The following HMMR variants were observed in gnomAD, a reference collection of about 807,000 sequenced individuals.
HMMR encodes intracellular hyaluronic acid-binding protein.
In HMMR, 108 loss-of-function variants were observed where a neutral mutation model predicts 101.0. The observed-to-expected ratio is 1.07, with a 90% CI of 0.92 to 1.25. HMMR has a LOEUF of 1.25. Among genes scored for constraint, HMMR ranks in the 50% most tolerant of loss-of-function variants. The pLI, the probability that HMMR is intolerant of heterozygous loss-of-function variation, is 0.00. For missense variants in HMMR, 813 were observed against 788.7 expected, an observed-to-expected ratio of 1.03 and a Z score of -0.37; for synonymous variants, 296 against 276.4, an observed-to-expected ratio of 1.07 and a Z score of -0.70.
intron 16 of HMMR, among the ~76,000 whole-genome samples, chr5:163,485,310 G>T (rs1474677256): frequency 2.0e-5 from 3 of 152,082 alleles, no homozygotes; most frequent in Non-Finnish European, 4.4e-5. Flanking sequence ...GTGTACGAGG[G>T]TTCCAATTTC....
At chr5:163,466,210 T>C (rs1345826554) in intron 3 of HMMR, among the ~76,000 whole-genome samples, 1 of 150,318 alleles carries the variant, frequency 6.7e-6, no homozygotes, top group Admixed American at 6.6e-5. Context: ...GAGGTTGCAG[T>C]GAGCCGAGAG....
intron 4 of HMMR, among the ~76,000 whole-genome samples, chr5:163,469,295 C>T (rs1477983527): frequency 4.0e-5 from 6 of 148,280 alleles, no homozygotes; most frequent in Non-Finnish European, 7.4e-5. Context: ...ACCCAGGAGG[C>T]GGAGCTTGCA....
intron 12 of HMMR, among the ~76,000 whole-genome samples, chr5:163,482,027 T>C (rs866069056): frequency 6.6e-6 from 1 of 152,202 alleles, no homozygotes; most frequent in Non-Finnish European, 1.5e-5. Context: ...GTGATTCTCC[T>C]GCCTCAGCCT....
intron 3 of HMMR, 189 bp downstream of exon 3, chr5:163,464,991 G>A (rs938220977): frequency 2.5e-5 from 14 of 553,488 alleles, no homozygotes; most frequent in Non-Finnish European, 4.1e-5. Context: ...ATGTTTAAAT[G>A]TGCCCTTAGT....
intron 1 of HMMR, among the ~76,000 whole-genome samples, chr5:163,461,747 C>T (rs2113447210): frequency 1.3e-5 from 2 of 152,062 alleles, no homozygotes; most frequent in Middle Eastern, 6.8e-3. Context: ...CGCGCCACTG[C>T]ACTCCAGCCT....
rs758018522 is a variant in HMMR at position 163,490,490 on chromosome 5, C to T, written c.2063C>T (p.Pro688Leu). Residue 688 changes from proline to leucine, a missense_variant, in exon 17 of 18, where the codon CCT (proline) becomes CTT (leucine). Transcript: ENST00000393915. Reference protein sequence around the residue: ...NKVLGIKHFDPSKAFHHESKE... With the variant: ...NKVLGIKHFDLSKAFHHESKE... ...GTTCTAGGTATCAAACACTTTGATC[C>T]TTCAAAGGCTTTTCATCATGAAAGT... The T allele has an allele frequency of 3.7e-6, 6 of 1,603,736 alleles. No homozygotes were observed. The highest frequency in any genetic ancestry group is 1.3e-5 in the African/African-American group (1 of 74,324).
chr5:163,482,584 A>G, intron 12 of HMMR, 58 bp from the exon 13 acceptor site: 1 of 1,248,210 alleles, frequency 8.0e-7, no homozygotes, highest in Non-Finnish European at 1.2e-6. Flanking sequence ...CTAATCAGTT[A>G]TGATTGTCAT....
chr5:163,482,950 G>C, intron 13 of HMMR, 70 bp from the exon 14 acceptor site: 1 of 892,410 alleles, frequency 1.1e-6, no homozygotes, highest in Non-Finnish European at 1.5e-6. Context: ...GAGGTTTAAA[G>C]AAAAAAAAAG....
rs776088473 is a variant in HMMR at position 163,478,957 on chromosome 5, G to A, written c.1385+157G>A. On this transcript the variant is annotated intron_variant, in intron 12 of 17. Transcript: ENST00000393915. ...GTAAGTGGGCATTTAGCATTATCTG[G>A]TAATCTTATTGTATTTATATAATTC... Among the ~76,000 whole-genome samples the A allele has an allele frequency of 3.2e-4, 48 of 152,236 alleles. 1 individual carries two copies. The highest frequency in any genetic ancestry group is 1.2e-3 in the Admixed American group (19 of 15,290).
intron 12 of HMMR, among the ~76,000 whole-genome samples, chr5:163,480,222 T>C (rs1759210526): frequency 1.3e-5 from 2 of 152,138 alleles, no homozygotes; most frequent in African/African-American, 4.8e-5. Context: ...CCTTGCTTTT[T>C]CCCCCCTGTG....
rs114418785 is a variant in HMMR at position 163,474,033 on chromosome 5, T to C, written c.905-24T>C. ...TTAATGTTCTTATCTAATTCCAGTA[T>C]TCTTGATGTTTTGCGTTTTCTAGAA... On this transcript the variant is annotated intron_variant, in intron 9 of 17. Coordinates refer to ENST00000393915, the MANE Select transcript of HMMR (RefSeq NM_001142556.2). The C allele has an allele frequency of 1.1e-3, 1,703 of 1,591,992 alleles. 13 individuals are homozygous for C. The African/African-American group carries it at 0.02, about 18-fold the overall frequency.
chr5:163,489,819 G>A (rs1459483039), intron 16 of HMMR, among the ~76,000 whole-genome samples: 1 of 152,214 alleles, frequency 6.6e-6, no homozygotes, highest in Non-Finnish European at 1.5e-5. Context: ...CCTCCTGGGA[G>A]GGAAGCTTCT....
chr5:163,467,871 A>G (rs1252542613), intron 4 of HMMR, 123 bp downstream of exon 4: 1 of 612,038 alleles, frequency 1.6e-6, no homozygotes, highest in Non-Finnish European at 3.0e-6. Context: ...TGCCATCCAG[A>G]ACAGTGCCTA....
chr5:163,466,436 G>A (rs1044387162), intron 3 of HMMR, among the ~76,000 whole-genome samples: 2 of 152,118 alleles, frequency 1.3e-5, no homozygotes, highest in South Asian at 2.1e-4. Context: ...AGCCACATGT[G>A]TCTATTGAGC....
At chr5:163,469,954 G>A (rs1471286105) in intron 5 of HMMR, 125 bp downstream of exon 5, 1 of 599,454 alleles carries the variant, frequency 1.7e-6, no homozygotes, top group Non-Finnish European at 2.9e-6. Flanking sequence ...GATCACCTGA[G>A]GTCGGGAGTT....
intron 3 of HMMR, 94 bp downstream of exon 3, chr5:163,464,896 A>C: frequency 1.3e-6 from 1 of 741,668 alleles, no homozygotes; most frequent in Non-Finnish European, 2.3e-6. Context: ...AAGTGTATGA[A>C]TCAAGGTTAT....
At chr5:163,481,754 T>C (rs1396473475) in intron 12 of HMMR, among the ~76,000 whole-genome samples, 1 of 152,224 alleles carries the variant, frequency 6.6e-6, no homozygotes, top group African/African-American at 2.4e-5. Flanking sequence ...TGTCTTTCCA[T>C]TGCCAGCTCC....
chr5:163,482,352 A>G (rs177248), intron 12 of HMMR, among the ~76,000 whole-genome samples: 37,937 of 151,760 alleles, frequency 0.25, 4,923 homozygotes, highest in African/African-American at 0.3. Flanking sequence ...CTTATTTTTT[A>G]AATTGTGAGT....
At chr5:163,490,353 A>T in intron 16 of HMMR, 37 bp from the exon 17 acceptor site, 1 of 1,363,654 alleles carries the variant, frequency 7.3e-7, no homozygotes, top group Non-Finnish European at 1.0e-6. Context: ...CATACTCTTT[A>T]ATAATTGTTT....
Sources: allele counts gnomAD v4.1 joint callset (sites outside exome capture counted in the v4.1 genomes callset), GRCh38; gene constraint gnomAD v4.1.1; transcripts MANE v1.5; gene names NCBI Gene and HGNC (gene_info 2026-07-23, HGNC 2026-07-21).